GPC5: variants seen among roughly 807,000 people sequenced by gnomAD.
GPC5 encodes glypican 5, also known as glypican-5.
In GPC5, 47 loss-of-function variants were observed where a neutral mutation model predicts 53.9. That is an observed-to-expected ratio of 0.87 (90% confidence interval 0.69 to 1.11). The LOEUF is 1.11. Among genes scored for constraint, GPC5 ranks in the 50% most tolerant of loss-of-function variants. The probability of loss-of-function intolerance (pLI) is 0.00; values close to 1 mark genes in which losing one functional copy is unlikely to be tolerated. For missense variants in GPC5, 748 were observed against 713.1 expected (o/e 1.05, Z -0.56); for synonymous variants, 286 against 263.3 (o/e 1.09, Z -0.84).
At chr13:92,335,002 G>A (rs1250516589) in intron 7 of GPC5, among the ~76,000 whole-genome samples, 1 of 152,076 alleles carries the variant, frequency 6.6e-6, no homozygotes, top group Non-Finnish European at 1.5e-5. Context: ...CTACCATTCT[G>A]GGGTCTGGAG....
intron 6 of GPC5, among the ~76,000 whole-genome samples, chr13:92,124,134 TAA>T (rs146377177): frequency 1.4e-5 from 2 of 139,130 alleles, no homozygotes; most frequent in African/African-American, 5.2e-5. Flanking sequence ...GCTTTTCTTT[TAA>T]AAAAAAAAAG....
intron 2 of GPC5, among the ~76,000 whole-genome samples, chr13:91,557,100 A>G (rs569860568): frequency 5.9e-5 from 9 of 152,172 alleles, no homozygotes; most frequent in South Asian, 4.1e-4. Flanking sequence ...TATGGTAATT[A>G]TGTGTTTGGT....
intron 7 of GPC5, among the ~76,000 whole-genome samples, chr13:92,384,723 G>A (rs1345010251): frequency 1.3e-5 from 2 of 152,084 alleles, no homozygotes; most frequent in Admixed American, 1.3e-4. Context: ...AATAGCAGCA[G>A]GAAGTGTGAG....
intron 7 of GPC5, among the ~76,000 whole-genome samples, chr13:92,692,917 A>C (rs72641050): frequency 0.37 from 55,391 of 151,386 alleles, 11,644 homozygotes; most frequent in East Asian, 0.75. Context: ...AAATTGTAAT[A>C]CCCAGGTATT....
chr13:92,298,480 C>T (rs2043053666), intron 7 of GPC5, among the ~76,000 whole-genome samples: 4 of 152,188 alleles, frequency 2.6e-5, no homozygotes, highest in Admixed American at 2.6e-4. Context: ...GGGGACTCAG[C>T]AAGCCCGCAG....
At chr13:91,452,105 C>G (rs1881220630) in intron 2 of GPC5, among the ~76,000 whole-genome samples, 1 of 152,078 alleles carries the variant, frequency 6.6e-6, no homozygotes, top group Non-Finnish European at 1.5e-5. Flanking sequence ...CTACTACAGC[C>G]TCCCGAGTAG....
At chr13:92,019,430 G>C (rs949902629) in intron 6 of GPC5, among the ~76,000 whole-genome samples, 3 of 152,016 alleles carry the variant, frequency 2.0e-5, no homozygotes, top group Non-Finnish European at 4.4e-5. Flanking sequence ...TATATAATTT[G>C]AAGGAAAATA....
intron 7 of GPC5, among the ~76,000 whole-genome samples, chr13:92,748,354 G>A (rs1156552605): frequency 8.4e-6 from 1 of 119,730 alleles, no homozygotes; most frequent in Non-Finnish European, 1.7e-5. Context: ...ATTATTTTGA[G>A]ATGGAGTCTC....
At chr13:92,590,243 T>A (rs1459719307) in intron 7 of GPC5, among the ~76,000 whole-genome samples, 2 of 151,954 alleles carry the variant, frequency 1.3e-5, no homozygotes, top group East Asian at 1.9e-4. Context: ...GGGGCATGCA[T>A]GAGGGCCATG....
chr13:92,708,239 C>T (rs1186465045), intron 7 of GPC5, among the ~76,000 whole-genome samples: 1 of 152,070 alleles, frequency 6.6e-6, no homozygotes, highest in Admixed American at 6.6e-5. Context: ...CAATCCATAG[C>T]TTTTTCCAAG....
intron 2 of GPC5, among the ~76,000 whole-genome samples, chr13:91,511,969 C>T (rs1386722703): frequency 1.3e-5 from 2 of 152,110 alleles, no homozygotes; most frequent in African/African-American, 4.8e-5. Context: ...TGTACCCCCA[C>T]AAAGGAGAAT....
intron 7 of GPC5, among the ~76,000 whole-genome samples, chr13:92,242,232 CAAAA>C (rs752173365): frequency 1.2e-5 from 1 of 81,868 alleles, no homozygotes; most frequent in African/African-American, 3.8e-5. Flanking sequence ...GACTCTGTCT[CAAAA>C]AAAAAAAAAA....
intron 7 of GPC5, among the ~76,000 whole-genome samples, chr13:92,353,123 G>T (rs1594125676): frequency 6.6e-6 from 1 of 151,444 alleles, no homozygotes; most frequent in African/African-American, 2.4e-5. Context: ...AGCCAGGCGC[G>T]GTGGCGGGCG....
chr13:91,855,749 C>A (rs552781429), intron 5 of GPC5, among the ~76,000 whole-genome samples: 7 of 151,624 alleles, frequency 4.6e-5, no homozygotes, highest in Admixed American at 2.0e-4. Context: ...GCCTGCATGA[C>A]CTATACCTTA....
chr13:92,142,053 G>A (rs753523405), intron 6 of GPC5, among the ~76,000 whole-genome samples: 9 of 152,104 alleles, frequency 5.9e-5, no homozygotes, highest in Non-Finnish European at 1.3e-4. Flanking sequence ...AGGAAACTTT[G>A]GGGGACAGTG....
chr13:92,123,371 A>T (rs1459399672), intron 6 of GPC5, among the ~76,000 whole-genome samples: 1 of 152,210 alleles, frequency 6.6e-6, no homozygotes, highest in African/African-American at 2.4e-5. Context: ...CATTTATAAC[A>T]GGAGTACTTC....
intron 6 of GPC5, among the ~76,000 whole-genome samples, chr13:92,126,083 T>C (rs2041694843): frequency 6.6e-6 from 1 of 151,222 alleles, no homozygotes; most frequent in Admixed American, 6.6e-5. Flanking sequence ...GCCTCCTGAG[T>C]AGCTGGGATT....
intron 7 of GPC5, among the ~76,000 whole-genome samples, chr13:92,663,528 G>A: frequency 6.7e-6 from 1 of 148,292 alleles, no homozygotes; most frequent in African/African-American, 2.5e-5. Context: ...CATGAGGTCA[G>A]GAGTTCGAGA....
intron 4 of GPC5, among the ~76,000 whole-genome samples, chr13:91,733,341 G>T (rs113774196): frequency 3.3e-5 from 5 of 152,188 alleles, no homozygotes; most frequent in African/African-American, 9.6e-5. Context: ...CACCATGTTC[G>T]CCAGGCTGGT....
Sources: gnomAD v4.1 joint callset for allele counts (sites outside exome capture counted in the v4.1 genomes callset) on GRCh38, gnomAD v4.1.1 for gene constraint, MANE v1.5 for transcripts, NCBI Gene and HGNC (gene_info 2026-07-23, HGNC 2026-07-21) for gene names.